ALDH18A1: variants seen among roughly 807,000 people sequenced by gnomAD.
ALDH18A1 encodes the protein aldehyde dehydrogenase 18 family member A1, also known as delta-1-pyrroline-5-carboxylate synthase.
In ALDH18A1, 44 loss-of-function variants were observed where a neutral mutation model predicts 88.8. The observed-to-expected ratio is 0.50, with a 90% CI of 0.39 to 0.64. The LOEUF (loss-of-function observed/expected upper bound fraction) is 0.64. Among genes scored for constraint, ALDH18A1 ranks in the 30% least tolerant of loss-of-function variants. The pLI, the probability that ALDH18A1 is intolerant of heterozygous loss-of-function variation, is 0.00. For synonymous variants in ALDH18A1, 331 were observed against 372.1 expected, an observed-to-expected ratio of 0.89 and a Z score of 1.27; for missense variants, 782 against 1,009.5, an observed-to-expected ratio of 0.77 and a Z score of 3.05.
In ALDH18A1 at chr10:95,606,589, T is replaced by C. The variant is rs2097823140; in HGVS notation, c.*173A>G. 1.3e-5 allele frequency: 20 copies of C among 1,548,144 alleles called. No homozygotes were observed. The highest frequency in any genetic ancestry group is 1.7e-5 in the Non-Finnish European group (20 of 1,155,272). ...AAAAAGGGTGAGCTGGGAGCCAGAC[T>C]GTGCACATCAGCCAAGACTGCTATT... On this transcript the variant is annotated 3_prime_UTR_variant, in exon 18 of 18. Coordinates refer to ENST00000371224, the MANE Select transcript of ALDH18A1 (RefSeq NM_002860.4).
chr10:95,614,410 C>T (rs747620666), intron 13 of ALDH18A1, among the ~76,000 whole-genome samples: 24 of 152,174 alleles, frequency 1.6e-4, no homozygotes, highest in Non-Finnish European at 3.4e-4. Context: ...CACTGCATGC[C>T]GTCAAAGAGC....
chr10:95,642,238 C>T (rs906162662), intron 3 of ALDH18A1, among the ~76,000 whole-genome samples: 1 of 152,152 alleles, frequency 6.6e-6, no homozygotes, highest in Non-Finnish European at 1.5e-5. Flanking sequence ...CTCACGGCCA[C>T]GCTCATTCAT....
chr10:95,607,955 T>C (rs936389260), intron 17 of ALDH18A1, among the ~76,000 whole-genome samples: 2 of 152,134 alleles, frequency 1.3e-5, no homozygotes, highest in African/African-American at 4.8e-5. Context: ...CAAATTCTGG[T>C]TCAATAGCAT....
At chr10:95,651,451 A>T (rs1163291703) in intron 2 of ALDH18A1, among the ~76,000 whole-genome samples, 1 of 152,236 alleles carries the variant, frequency 6.6e-6, no homozygotes, top group Non-Finnish European at 1.5e-5. Context: ...GCATTGCTGT[A>T]AAGAAATACC....
chr10:95,646,219 T>G (rs2097901064), intron 2 of ALDH18A1, among the ~76,000 whole-genome samples: 1 of 152,144 alleles, frequency 6.6e-6, no homozygotes, highest in African/African-American at 2.4e-5. Flanking sequence ...TGGAGCAGCC[T>G]GAGAGGGTAC....
chr10:95,655,829 T>C (rs1464744852), intron 1 of ALDH18A1, among the ~76,000 whole-genome samples: 1 of 152,152 alleles, frequency 6.6e-6, no homozygotes. Flanking sequence ...TCAATATCTC[T>C]TTACAGACTA....
chr10:95,621,734 A>G (rs1335610434), intron 11 of ALDH18A1, among the ~76,000 whole-genome samples: 8 of 152,236 alleles, frequency 5.3e-5, no homozygotes, highest in African/African-American at 1.9e-4. Context: ...ACATAGCATC[A>G]TGTAAAGCTG....
intron 15 of ALDH18A1, 33 bp downstream of exon 15, chr10:95,613,709 G>C (rs1467462762): frequency 6.2e-7 from 1 of 1,613,612 alleles, no homozygotes; most frequent in Middle Eastern, 1.6e-4. Context: ...TTCTAAGACA[G>C]GAAGTAATGT....
At position 95,633,489 on chromosome 10, in the gene ALDH18A1, A is replaced by T. The variant is rs1232986107; in HGVS notation, c.717+2T>A. On this transcript the variant is annotated splice_donor_variant, in intron 6 of 17. Transcript: ENST00000371224. LOFTEE classifies it high-confidence loss of function. The stretch of plus-strand genomic sequence containing the variant: ...CTAAACCCTTAGAAATACTTTACCC[A>T]CATTTACCCCCTGCAGGTCACTGTT... 1.9e-6 allele frequency: 3 copies of T among 1,613,952 alleles called. No homozygotes were observed. In the African/African-American group the frequency reaches 4.0e-5, roughly 22 times the overall value.
In ALDH18A1 at chr10:95,615,575, G is replaced by T. The variant is rs1166948926; in HGVS notation, c.1605+902C>A. ...ATGTTACACATCAATAGGAAGAAAAGGAGGGAGGGCACCTGTGTAAGCTAG... is the reference window on the plus strand; with the variant it reads ...ATGTTACACATCAATAGGAAGAAAATGAGGGAGGGCACCTGTGTAAGCTAG... On this transcript the variant is annotated intron_variant, in intron 13 of 17. Coordinates refer to ENST00000371224, the MANE Select transcript of ALDH18A1 (RefSeq NM_002860.4). 2.6e-5 allele frequency among the ~76,000 whole-genome samples: 4 copies of T among 152,152 alleles called. No homozygotes were observed. The East Asian group carries it at 7.7e-4, about 29-fold the overall frequency.
At chr10:95,652,295 C>G (rs1263141312) in intron 2 of ALDH18A1, among the ~76,000 whole-genome samples, 1 of 152,182 alleles carries the variant, frequency 6.6e-6, no homozygotes, top group Non-Finnish European at 1.5e-5. Context: ...TTGATCGTAT[C>G]AACGTCAATA....
In ALDH18A1 at chr10:95,653,388, G is replaced by C. The variant is rs749574823; in HGVS notation, c.-11C>G. On this transcript the variant is annotated 5_prime_UTR_variant, in exon 2 of 18. Transcript: ENST00000371224. ...AACTTGACTCAACATGCTGCGATGT[G>C]GTCACTAACCAAAGTATCTGCAGAA... is the stretch of plus-strand genomic sequence containing the variant. The C allele has an allele frequency of 1.9e-6, 3 of 1,613,110 alleles. No homozygotes were observed. The Admixed American group carries it at 5.0e-5, about 27-fold the overall frequency.
intron 12 of ALDH18A1, among the ~76,000 whole-genome samples, chr10:95,620,168 C>A (rs559450182): frequency 3.8e-4 from 58 of 152,280 alleles, no homozygotes; most frequent in Non-Finnish European, 6.6e-4. Context: ...ATGCAGCCAA[C>A]AGACACATGA....
intron 17 of ALDH18A1, among the ~76,000 whole-genome samples, chr10:95,608,756 C>T (rs1307903550): frequency 2.6e-5 from 4 of 152,256 alleles, no homozygotes; most frequent in Admixed American, 2.0e-4. Flanking sequence ...CTGCTTCAGC[C>T]TCTCAAAGTG....
At chr10:95,655,218 C>T (rs56017097) in intron 1 of ALDH18A1, among the ~76,000 whole-genome samples, 8,800 of 151,928 alleles carry the variant, frequency 0.058, 364 homozygotes, top group Middle Eastern at 0.14. Context: ...AAGAGTTACC[C>T]AATTTTTCTA....
At chr10:95,646,486 C>T (rs2097901575) in intron 2 of ALDH18A1, among the ~76,000 whole-genome samples, 1 of 152,122 alleles carries the variant, frequency 6.6e-6, no homozygotes, top group Non-Finnish European at 1.5e-5. Flanking sequence ...GCAGTTGACT[C>T]AGTCAAATCC....
rs1396885647 is a variant in ALDH18A1, at chr10:95,643,041, C to T, written c.254G>A (p.Gly85Glu). Residue 85 changes from glycine (G) to glutamate (E), a missense_variant, in exon 3 of 18, where the codon GGG becomes GAG. Gly to Glu is a moderately conservative substitution (Grantham distance 98, BLOSUM62 -2). This residue lies in a region of ALDH18A1 where 132 missense variants were observed against 255.5 expected (regional missense o/e 0.52). Transcript: ENST00000371224. ...CCCCAGGGCCAGGCCACATTCATCC[C>T]CTCGGGTCACCACGGCACTGCCGAG... is the stretch of plus-strand genomic sequence containing the variant. ...VKLGSAVVTRGDECGLALGRL... is the reference protein window; with the variant it reads ...VKLGSAVVTREDECGLALGRL... 1.9e-6 allele frequency: 3 copies of T among 1,613,826 alleles called. No homozygotes were observed. Among genetic ancestry groups the T allele is most frequent in the Non-Finnish European group, 2.5e-6 (3 of 1,179,918 alleles).
At position 95,655,124 on chromosome 10, in the gene ALDH18A1, TTTCTTTA is replaced by T. The variant is rs1226039194; in HGVS notation, c.-29+1466_-29+1472del. Reference sequence around the variant, plus strand: ...GTGTCTTGTGGAGAGTTACCCAATTTTTCTTTATTATTATTATTATTATTATTATTAT... The same window carrying T: ...GTGTCTTGTGGAGAGTTACCCAATTTTTATTATTATTATTATTATTATTAT... On this transcript the variant is annotated intron_variant, in intron 1 of 17. Transcript: ENST00000371224. Among the ~76,000 whole-genome samples the T allele has an allele frequency of 2.5e-3, 154 of 62,556 alleles. 1 individual carries two copies. Among genetic ancestry groups the T allele is most frequent in the African/African-American group, 5.5e-3 (145 of 26,260 alleles). The allele number at this position is 62,556 out of a possible 152,430, so 41.0% of individuals were successfully genotyped here. A position where few individuals can be genotyped will look rare whatever the true frequency, so the allele number is the denominator to read the frequency against.
At chr10:95,623,460 T>C (rs2097856026) in intron 11 of ALDH18A1, among the ~76,000 whole-genome samples, 1 of 152,072 alleles carries the variant, frequency 6.6e-6, no homozygotes. Flanking sequence ...CAGGCTGGAG[T>C]GCAGTAGCGC....
Sources: allele counts gnomAD v4.1 joint callset (sites outside exome capture counted in the v4.1 genomes callset), GRCh38; gene constraint gnomAD v4.1.1; regional missense constraint gnomAD v4.1.1; transcripts MANE v1.5; gene names NCBI Gene and HGNC (gene_info 2026-07-23, HGNC 2026-07-21).